The following MAML3 variants were observed in gnomAD, a reference collection of about 807,000 sequenced individuals.
MAML3 encodes the protein mastermind-like protein 3.
A neutral mutation model predicts 101.9 loss-of-function variants in MAML3; 27 were observed. The observed-to-expected ratio is 0.27, with a 90% CI of 0.20 to 0.37. MAML3 has a LOEUF of 0.37. Ranked by LOEUF, MAML3 falls within the 10% of genes least tolerant of loss-of-function variation. The pLI, the probability that MAML3 is intolerant of heterozygous loss-of-function variation, is 1.00. For missense variants in MAML3, 1,316 were observed against 1,444.9 expected, an observed-to-expected ratio of 0.91 and a Z score of 1.45; for synonymous variants, 501 against 555.9, an observed-to-expected ratio of 0.90 and a Z score of 1.39.
intron 1 of MAML3, among the ~76,000 whole-genome samples, chr4:140,055,464 A>G (rs1345522645): frequency 6.6e-6 from 1 of 152,182 alleles, no homozygotes; most frequent in Non-Finnish European, 1.5e-5. Context: ...TCTTTTCACT[A>G]TATTACTGGG....
At chr4:139,764,568 C>T (rs1202063185) in intron 2 of MAML3, among the ~76,000 whole-genome samples, 1 of 152,188 alleles carries the variant, frequency 6.6e-6, no homozygotes, top group African/African-American at 2.4e-5. Context: ...CTGGTGGCCT[C>T]CTGAAGTTGC....
chr4:139,741,629 C>A (rs1729167485), intron 2 of MAML3, among the ~76,000 whole-genome samples: 1 of 152,036 alleles, frequency 6.6e-6, no homozygotes, highest in Non-Finnish European at 1.5e-5. Context: ...CACCTGTAGT[C>A]CCAATTACTC....
In MAML3 at chr4:140,053,945, G is replaced by A. The variant is rs192782468; in HGVS notation, c.468+98915C>T. ...TTTTGGCTCATGGGTCAGAATGTACGTCAAGTGGTTAAAACTGTGGTTAGG... is the reference window on the plus strand; with the variant it reads ...TTTTGGCTCATGGGTCAGAATGTACATCAAGTGGTTAAAACTGTGGTTAGG... On this transcript the variant is annotated intron_variant, in intron 1 of 4. Transcript: ENST00000509479. Among the ~76,000 whole-genome samples the A allele has an allele frequency of 4.1e-3, 618 of 152,278 alleles. 1 individual carries two copies. Among genetic ancestry groups the A allele is most frequent in the Non-Finnish European group, 5.3e-3 (361 of 68,036 alleles).
intron 2 of MAML3, among the ~76,000 whole-genome samples, chr4:139,792,210 C>G (rs1393519915): frequency 6.6e-6 from 1 of 152,150 alleles, no homozygotes; most frequent in East Asian, 1.9e-4. Flanking sequence ...TACTGTCACA[C>G]AAAAGGTTTG....
At chr4:139,747,265 G>A (rs934428959) in intron 2 of MAML3, among the ~76,000 whole-genome samples, 4 of 152,172 alleles carry the variant, frequency 2.6e-5, no homozygotes, top group African/African-American at 9.7e-5. Context: ...AGTTTGTGGC[G>A]CCGGTGGGAG....
chr4:139,874,582 T>C (rs1435395951), intron 2 of MAML3, among the ~76,000 whole-genome samples: 2 of 151,882 alleles, frequency 1.3e-5, no homozygotes, highest in African/African-American at 4.9e-5. Context: ...ACATAAAATA[T>C]GTTGAATGAA....
chr4:140,038,420 A>G (rs1727024275), intron 1 of MAML3, among the ~76,000 whole-genome samples: 1 of 152,224 alleles, frequency 6.6e-6, no homozygotes. Flanking sequence ...GAGATCCTAC[A>G]TGGCTTCTGA....
chr4:139,725,942 C>T, intron 3 of MAML3, 107 bp from the exon 4 acceptor site: 1 of 898,400 alleles, frequency 1.1e-6, no homozygotes, highest in African/African-American at 1.7e-5. Flanking sequence ...CAAAACTAAA[C>T]TTTGTGTTGA....
chr4:139,729,266 T>C (rs1283821045), intron 3 of MAML3, among the ~76,000 whole-genome samples: 2 of 151,264 alleles, frequency 1.3e-5, no homozygotes, highest in East Asian at 1.9e-4. Flanking sequence ...TCTTGGTTAA[T>C]AGGGACCTCC....
At position 139,990,070 on chromosome 4, in the gene MAML3, T is replaced by A. The variant is rs535785334; in HGVS notation, c.469-99103A>T. 8.5e-5 allele frequency among the ~76,000 whole-genome samples: 13 copies of A among 152,320 alleles called. No homozygotes were observed. In the East Asian group the frequency reaches 2.5e-3, roughly 29 times the overall value. On this transcript the variant is annotated intron_variant, in intron 1 of 4. Coordinates refer to ENST00000509479, the MANE Select transcript of MAML3 (RefSeq NM_018717.5). ...ATTGTTTTGTTTTGACAAAGTAATCTTGATTTTTTTCACTTTTCACATTTT... is the reference window on the plus strand; with the variant it reads ...ATTGTTTTGTTTTGACAAAGTAATCATGATTTTTTTCACTTTTCACATTTT...
chr4:139,950,391 T>C (rs1733812632), intron 1 of MAML3, among the ~76,000 whole-genome samples: 1 of 152,156 alleles, frequency 6.6e-6, no homozygotes, highest in Non-Finnish European at 1.5e-5. Flanking sequence ...TCTACAGATT[T>C]TGGACTTGCC....
intron 1 of MAML3, among the ~76,000 whole-genome samples, chr4:140,039,954 C>T (rs979998958): frequency 1.4e-4 from 21 of 152,096 alleles, no homozygotes; most frequent in African/African-American, 3.1e-4. Flanking sequence ...GGGCAAACAA[C>T]GCACACTCAC....
chr4:140,133,177 A>T, intron 1 of MAML3: 5 of 396,124 alleles, frequency 1.3e-5, no homozygotes, highest in Non-Finnish European at 2.0e-5. Context: ...AAAGAAAAAA[A>T]AGAGAGTTTA....
At chr4:139,880,062 A>G (rs760445224) in intron 2 of MAML3, among the ~76,000 whole-genome samples, 21 of 152,086 alleles carry the variant, frequency 1.4e-4, no homozygotes, top group Non-Finnish European at 2.4e-4. Flanking sequence ...AGTCCCAGCT[A>G]CTCAAGAGGC....
intron 1 of MAML3, among the ~76,000 whole-genome samples, chr4:140,080,021 A>G (rs1416915757): frequency 6.6e-6 from 1 of 152,212 alleles, no homozygotes; most frequent in Non-Finnish European, 1.5e-5. Context: ...GATTTATTTC[A>G]AATGTATTAA....
At chr4:139,999,931 G>A (rs1485703236) in intron 1 of MAML3, among the ~76,000 whole-genome samples, 1 of 152,162 alleles carries the variant, frequency 6.6e-6, no homozygotes, top group African/African-American at 2.4e-5. Context: ...GAAGAAATGT[G>A]CTTTTCCCCC....
At chr4:139,937,374 C>A (rs1733527443) in intron 1 of MAML3, among the ~76,000 whole-genome samples, 1 of 151,206 alleles carries the variant, frequency 6.6e-6, no homozygotes, top group Non-Finnish European at 1.5e-5. Flanking sequence ...CTGGTCTAGA[C>A]AATGATCTAG....
chr4:139,834,285 G>A (rs988156206), intron 2 of MAML3, among the ~76,000 whole-genome samples: 1 of 152,204 alleles, frequency 6.6e-6, no homozygotes, highest in Non-Finnish European at 1.5e-5. Flanking sequence ...GTTAAACATT[G>A]ATCTTTCTTC....
At chr4:140,035,849 C>T (rs1323840760) in intron 1 of MAML3, among the ~76,000 whole-genome samples, 1 of 151,998 alleles carries the variant, frequency 6.6e-6, no homozygotes, top group East Asian at 1.9e-4. Flanking sequence ...ATTGCTCTAC[C>T]TGAGGTTGAA....
Sources: gnomAD v4.1 joint callset for allele counts (sites outside exome capture counted in the v4.1 genomes callset) on GRCh38, gnomAD v4.1.1 for gene constraint, MANE v1.5 for transcripts, NCBI Gene and HGNC (gene_info 2026-07-23, HGNC 2026-07-21) for gene names.